RGS6: variants seen among roughly 807,000 people sequenced by gnomAD.
The protein encoded by RGS6 is regulator of G protein signaling 6.
RGS6 carries 30 observed loss-of-function variants against 78.5 expected under a neutral mutation model. That is an observed-to-expected ratio of 0.38 (90% CI 0.29 to 0.52). The LOEUF (loss-of-function observed/expected upper bound fraction) is 0.52. Ranked by LOEUF, RGS6 falls within the 20% of genes least tolerant of loss-of-function variation. The pLI is 0.85. For synonymous variants in RGS6, 206 were observed against 206.0 expected, an observed-to-expected ratio of 1.00 and a Z score of 0.00; for missense variants, 495 against 609.7, an observed-to-expected ratio of 0.81 and a Z score of 1.98.
chr14:72,379,233 A>G (rs1189796445), intron 3 of RGS6, among the ~76,000 whole-genome samples: 2 of 152,128 alleles, frequency 1.3e-5, no homozygotes, highest in Non-Finnish European at 2.9e-5. Flanking sequence ...ATGGTACTGA[A>G]TGGGGAAATC....
intron 2 of RGS6, among the ~76,000 whole-genome samples, chr14:72,294,814 C>T (rs1197745556): frequency 2.0e-5 from 3 of 152,078 alleles, no homozygotes; most frequent in African/African-American, 7.2e-5. Context: ...ACGAAGGATC[C>T]ACCACTATGA....
the RGS6 span, among the ~76,000 whole-genome samples, chr14:71,872,489 C>T: frequency 6.6e-6 from 1 of 152,144 alleles, no homozygotes; most frequent in Non-Finnish European, 1.5e-5. Context: ...ACTTGGGTCT[C>T]TTGTCATCCC....
intron 2 of RGS6, among the ~76,000 whole-genome samples, chr14:72,217,226 G>C (rs143673983): frequency 9.9e-5 from 15 of 152,274 alleles, no homozygotes; most frequent in Non-Finnish European, 1.8e-4. Context: ...TGAATGCATG[G>C]TTAAAGAGTT....
intron 3 of RGS6, among the ~76,000 whole-genome samples, chr14:72,404,534 A>C (rs1356464176): frequency 6.6e-6 from 1 of 152,198 alleles, no homozygotes; most frequent in Admixed American, 6.5e-5. Flanking sequence ...CCAGGTTGCA[A>C]GTCTCTGCCA....
At chr14:72,261,048 T>C (rs2058065562) in intron 2 of RGS6, among the ~76,000 whole-genome samples, 1 of 151,904 alleles carries the variant, frequency 6.6e-6, no homozygotes, top group South Asian at 2.1e-4. Flanking sequence ...AAGATGTGTG[T>C]TTTGGGGGAG....
chr14:71,869,385 C>T, the RGS6 span, among the ~76,000 whole-genome samples: 1 of 152,200 alleles, frequency 6.6e-6, no homozygotes, highest in Non-Finnish European at 1.5e-5. Context: ...TCCAATGTGA[C>T]TACCATGACT....
intron 2 of RGS6, among the ~76,000 whole-genome samples, chr14:72,299,934 T>C (rs2065695335): frequency 6.6e-6 from 1 of 152,198 alleles, no homozygotes; most frequent in Admixed American, 6.5e-5. Flanking sequence ...TATTAGCTCT[T>C]TAAAGTGCCG....
the RGS6 span, among the ~76,000 whole-genome samples, chr14:72,610,411 C>A: frequency 1.3e-5 from 2 of 152,144 alleles, no homozygotes; most frequent in Non-Finnish European, 2.9e-5. Flanking sequence ...CAAATGGAGG[C>A]GCCCTCACCA....
chr14:72,575,587 T>C, the RGS6 span, among the ~76,000 whole-genome samples: 1 of 152,194 alleles, frequency 6.6e-6, no homozygotes, highest in Non-Finnish European at 1.5e-5. Context: ...GAAGGACATC[T>C]GGAAGAAACC....
chr14:72,534,404 A>T (rs1273863966), intron 15 of RGS6, among the ~76,000 whole-genome samples: 2 of 152,188 alleles, frequency 1.3e-5, no homozygotes, highest in African/African-American at 2.4e-5. Flanking sequence ...AACCAAACCC[A>T]CAATACCTCC....
intron 2 of RGS6, among the ~76,000 whole-genome samples, chr14:72,345,860 A>G (rs2077938105): frequency 6.6e-6 from 1 of 152,238 alleles, no homozygotes; most frequent in South Asian, 2.1e-4. Flanking sequence ...AAAATAAAAA[A>G]GAGAAATAGC....
intron 2 of RGS6, among the ~76,000 whole-genome samples, chr14:72,042,165 T>C (rs2092472370): frequency 6.6e-6 from 1 of 150,618 alleles, no homozygotes; most frequent in Non-Finnish European, 1.5e-5. Flanking sequence ...TCTTATTCTG[T>C]TGCCCAGGAT....
chr14:72,445,209 T>G (rs1342300469), intron 3 of RGS6, among the ~76,000 whole-genome samples: 1 of 152,270 alleles, frequency 6.6e-6, no homozygotes, highest in Admixed American at 6.5e-5. Flanking sequence ...TTTTGTTTTT[T>G]GAGACGGAGT....
At chr14:72,312,513 CGT>C (rs1312160593) in intron 2 of RGS6, among the ~76,000 whole-genome samples, 10 of 152,098 alleles carry the variant, frequency 6.6e-5, no homozygotes, top group Admixed American at 2.0e-4. Flanking sequence ...CCACTAATTT[CGT>C]GTGTTTCCTT....
At chr14:72,037,317 A>C (rs1460144989) in intron 2 of RGS6, among the ~76,000 whole-genome samples, 1 of 152,078 alleles carries the variant, frequency 6.6e-6, no homozygotes, top group Non-Finnish European at 1.5e-5. Context: ...TTCACAATAA[A>C]TCTTGCTGCT....
rs1555424255 is a variant in RGS6, at chr14:72,475,825, T to TACAC, written c.694-916_694-913dup. On this transcript the variant is annotated intron_variant, in intron 10 of 17. Coordinates refer to ENST00000553525, the MANE Select transcript of RGS6 (RefSeq NM_001204424.2). ...CTCTCATGTATGCATTAAAAAAAAA[T>TACAC]ACACGCACACACACACACACACACA... is the stretch of plus-strand genomic sequence containing the variant. Among the ~76,000 whole-genome samples the TACAC allele has an allele frequency of 6.2e-5, 6 of 96,126 alleles. No individual in the cohort carries two copies. The East Asian group carries it at 3.6e-3, about 57-fold the overall frequency. The allele number at this position is 96,126 out of a possible 152,430, so 63.1% of individuals were successfully genotyped here.
chr14:72,510,314 G>A (rs1278941943), intron 14 of RGS6, 35 bp downstream of exon 14: 2 of 1,613,466 alleles, frequency 1.2e-6, no homozygotes, highest in South Asian at 2.2e-5. Flanking sequence ...TGTGCGGAAT[G>A]TGTGTGAAGA....
At chr14:72,314,850 T>C (rs547516565) in intron 2 of RGS6, among the ~76,000 whole-genome samples, 5 of 152,226 alleles carry the variant, frequency 3.3e-5, no homozygotes, top group South Asian at 4.1e-4. Context: ...AAAACAGAGA[T>C]AATGTGGCTT....
rs959311922 is a variant in RGS6 at position 72,459,540 on chromosome 14, G to T, written c.343-92G>T. The T allele has an allele frequency of 2.6e-5, 30 of 1,168,482 alleles. No homozygotes were observed. In the East Asian group the frequency reaches 7.0e-4, roughly 27 times the overall value. 72.4% of individuals were successfully genotyped at this position (1,168,482 alleles called of 1,614,324 possible). ...GCATCAGCAAGAAGGAGATGGGGGA[G>T]AGCCTGCCATCAGGGAGGCTCCTCC... On this transcript the variant is annotated intron_variant, in intron 5 of 17. Coordinates refer to ENST00000553525, the MANE Select transcript of RGS6 (RefSeq NM_001204424.2).
Sources: gnomAD v4.1 joint callset for allele counts (sites outside exome capture counted in the v4.1 genomes callset) on GRCh38, gnomAD v4.1.1 for gene constraint, MANE v1.5 for transcripts, NCBI Gene and HGNC (gene_info 2026-07-23, HGNC 2026-07-21) for gene names.